The following ZSCAN31 variants were observed in gnomAD, a reference collection of about 807,000 sequenced individuals.
The protein encoded by ZSCAN31 is zinc finger and SCAN domain containing 31, also known as zinc finger and SCAN domain-containing protein 31.
ZSCAN31 carries 14 observed loss-of-function variants against 22.5 expected under a neutral mutation model. The ratio of observed to expected loss-of-function variants is 0.62; its 90% CI spans 0.41 to 0.97. The LOEUF is 0.97. ZSCAN31 is among the 50% of genes least tolerant of loss of function. The pLI is 0.00. For missense variants in ZSCAN31, 424 were observed against 483.4 expected (o/e 0.88, Z 1.15); for synonymous variants, 168 against 169.8 (o/e 0.99, Z 0.08).
rs1337628946 is a variant in ZSCAN31 at position 28,326,156 on chromosome 6, C to T, written c.*10G>A. ...AATGATGACTGAAGGCTTTCCCAAA[C>T]TCATCACCCTTATGGTCTCTCTCCA... is the stretch of plus-strand genomic sequence containing the variant. On this transcript the variant is annotated 3_prime_UTR_variant, in exon 4 of 4. Coordinates refer to ENST00000344279, the MANE Select transcript of ZSCAN31 (RefSeq NM_030899.5). 6.3e-7 allele frequency: 1 copy of T among 1,589,972 alleles called. No homozygotes were observed. Among genetic ancestry groups the T allele is most frequent in the Non-Finnish European group, 8.6e-7 (1 of 1,165,752 alleles).
chr6:28,327,256 C>T (rs1581660774), intron 3 of ZSCAN31, 127 bp downstream of exon 3: 4 of 1,145,414 alleles, frequency 3.5e-6, no homozygotes, highest in Admixed American at 4.4e-5. Flanking sequence ...TGTCCATTGT[C>T]ACAGAACTAT....
chr6:28,333,855 A>G lies in ZSCAN31; in HGVS notation c.-96+2227T>C, dbSNP rs970692462. Among the ~76,000 whole-genome samples the G allele has an allele frequency of 1.3e-5, 2 of 152,204 alleles. No homozygotes were observed. Among genetic ancestry groups the G allele is most frequent in the Non-Finnish European group, 2.9e-5 (2 of 68,026 alleles). ...AACCACTGAAGGCTTTAAGAAAGGGAGTGACAAGGCTGAATTCTGTACCGA... is the reference window on the plus strand; with the variant it reads ...AACCACTGAAGGCTTTAAGAAAGGGGGTGACAAGGCTGAATTCTGTACCGA... On this transcript the variant is annotated intron_variant, in intron 1 of 3. Transcript: ENST00000344279. This position sits in a 1 kb window ranked among gnomAD's most constrained non-coding sequence, Gnocchi z 4.1.
intron 1 of ZSCAN31, among the ~76,000 whole-genome samples, chr6:28,330,789 GA>G (rs1229125664): frequency 6.6e-6 from 1 of 152,160 alleles, no homozygotes; most frequent in African/African-American, 2.4e-5. Flanking sequence ...GGCCTCACCA[GA>G]ATATTCAGGG....
chr6:28,346,342 CTTTTTT>C (rs5875155), intron 2 of ZSCAN31, among the ~76,000 whole-genome samples: 17 of 87,766 alleles, frequency 1.9e-4, no homozygotes, highest in South Asian at 1.5e-3. Context: ...TCAGTACAAT[CTTTTTT>C]TTTTTTTTTT....
At chr6:28,350,542 T>C (rs1764928297) in intron 2 of ZSCAN31, among the ~76,000 whole-genome samples, 1 of 152,206 alleles carries the variant, frequency 6.6e-6, no homozygotes, top group African/African-American at 2.4e-5. Context: ...TTTTACTATT[T>C]TGTAAAATGG....
At position 28,327,083 on chromosome 6, in the gene ZSCAN31, T is replaced by C. The variant is rs573192864; in HGVS notation, c.533-229A>G. On this transcript the variant is annotated intron_variant, in intron 3 of 3. Coordinates refer to ENST00000344279, the MANE Select transcript of ZSCAN31 (RefSeq NM_030899.5). ...CACCCAGAGGCTCCCAGTGAGGATG[T>C]ACATAAGCAGGCACTATATTATATT... is the stretch of plus-strand genomic sequence containing the variant. 2.6e-5 allele frequency among the ~76,000 whole-genome samples: 4 copies of C among 152,296 alleles called. No individual in the cohort carries two copies. The South Asian group carries it at 8.3e-4, about 32-fold the overall frequency.
chr6:28,326,957 G>T (rs1763332131), intron 3 of ZSCAN31, 103 bp from the exon 4 acceptor site: 1 of 1,148,490 alleles, frequency 8.7e-7, no homozygotes, highest in Non-Finnish European at 1.2e-6. Flanking sequence ...ACATGTTCTA[G>T]GAATGAAGAA....
upstream of ZSCAN31, among the ~76,000 whole-genome samples, chr6:28,337,587 T>C (rs1242242687): frequency 6.6e-6 from 1 of 152,188 alleles, no homozygotes; most frequent in African/African-American, 2.4e-5. Context: ...TCCCATTGAA[T>C]GCGATCTTTG....
At chr6:28,332,474 T>A (rs1353619299) in intron 1 of ZSCAN31, 1 of 152,234 alleles carries the variant, frequency 6.6e-6, no homozygotes, top group African/African-American at 2.4e-5. Context: ...TCAAATCCTG[T>A]GGCCTCTCTA....
In ZSCAN31 at chr6:28,326,382, G is replaced by A. The variant is rs1763263543; in HGVS notation, c.1005C>T (p.Ser335=). 6.2e-7 allele frequency: 1 copy of A among 1,614,048 alleles called. No homozygotes were observed. Among genetic ancestry groups the A allele is most frequent in the African/African-American group, 1.3e-5 (1 of 74,910 alleles). ...CKVCGKAFLL[S]SCLVQHQRIH... The stretch of plus-strand genomic sequence containing the variant: ...TCCTCTGATGCTGAACAAGGCATGA[G>A]CTGAGGAGGAAAGCCTTCCCACACA... The change falls in exon 4 of 4, where the codon AGC becomes AGT. Residue 335 remains serine (S), a synonymous_variant. Coordinates refer to ENST00000344279, the MANE Select transcript of ZSCAN31 (RefSeq NM_030899.5).
chr6:28,326,040 CA>C lies in ZSCAN31; in HGVS notation c.*125del, dbSNP rs932266889. 1.1e-6 allele frequency: 1 copy of C among 885,014 alleles called. No homozygotes were observed. The highest frequency in any genetic ancestry group is 1.7e-6 in the Non-Finnish European group (1 of 576,022). 54.8% of individuals were successfully genotyped at this position (885,014 alleles called of 1,614,324 possible). A position where few individuals can be genotyped will look rare whatever the true frequency, so the allele number is the denominator to read the frequency against. ...TAAGCCACTTGAAAATCTTACTTTCCAAGACGGCCCCATTTAGGGGTCTGAG... is the reference window on the plus strand; with the variant it reads ...TAAGCCACTTGAAAATCTTACTTTCCAGACGGCCCCATTTAGGGGTCTGAG... On this transcript the variant is annotated 3_prime_UTR_variant, in exon 4 of 4. Coordinates refer to ENST00000344279, the MANE Select transcript of ZSCAN31 (RefSeq NM_030899.5).
rs772198639 is a variant in ZSCAN31, at chr6:28,326,094, G to A, written c.*72C>T. On this transcript the variant is annotated 3_prime_UTR_variant, in exon 4 of 4. Coordinates refer to ENST00000344279, the MANE Select transcript of ZSCAN31 (RefSeq NM_030899.5). Reference sequence around the variant, plus strand: ...TCCACAGAATTAGTCCAGTTCTGCTGGAACAGTATGGATTCTAAAATGCCT... The same window carrying A: ...TCCACAGAATTAGTCCAGTTCTGCTAGAACAGTATGGATTCTAAAATGCCT... The A allele has an allele frequency of 1.0e-4, 144 of 1,395,170 alleles. No individual in the cohort carries two copies. The highest frequency in any genetic ancestry group is 1.3e-4 in the Non-Finnish European group (138 of 1,025,574). The allele number at this position is 1,395,170 out of a possible 1,614,324, so 86.4% of individuals were successfully genotyped here.
Position 28,347,348 on chromosome 6 carries a change from A to C in ZSCAN31, c.-370-5556T>G, listed in dbSNP as rs2113865561. 6.6e-6 allele frequency among the ~76,000 whole-genome samples: 1 copy of C among 152,258 alleles called. No individual in the cohort carries two copies. The highest frequency in any genetic ancestry group is 1.9e-4 in the East Asian group (1 of 5,192). The stretch of plus-strand genomic sequence containing the variant: ...CGGGAACACTTCCTTAGATATGCAC[A>C]GGGCTAACCCCTTCATCTCCTTCAG... On this transcript the variant is annotated intron_variant, in intron 2 of 7. Transcript: ENST00000396838. This position sits in a 1 kb window ranked among gnomAD's most constrained non-coding sequence, Gnocchi z 5.2.
chr6:28,328,276 G>A (rs11969150), intron 2 of ZSCAN31, among the ~76,000 whole-genome samples: 5,699 of 152,174 alleles, frequency 0.037, 261 homozygotes, highest in African/African-American at 0.11. Flanking sequence ...TTTATTAGGC[G>A]GGAATTTCCT....
In ZSCAN31 at chr6:28,351,103, T is replaced by C. The variant is rs1028425244; in HGVS notation, c.-371+2759A>G. 3.3e-5 allele frequency among the ~76,000 whole-genome samples: 5 copies of C among 152,186 alleles called. No individual in the cohort carries two copies. The highest frequency in any genetic ancestry group is 1.2e-4 in the African/African-American group (5 of 41,444). Reference sequence around the variant, plus strand: ...GTTAGCTCTTTCATAGACTTGTAACTCTTTTCTGTTAATGAGAAACTTTCC... The same window carrying C: ...GTTAGCTCTTTCATAGACTTGTAACCCTTTTCTGTTAATGAGAAACTTTCC... On this transcript the variant is annotated intron_variant, in intron 2 of 7. Coordinates refer to the ZSCAN31 transcript ENST00000396838. The surrounding 1 kb of genome is among the most constrained non-coding windows in gnomAD (Gnocchi z 4.6).
At chr6:28,339,294 AT>A (rs1256524162), upstream of ZSCAN31, among the ~76,000 whole-genome samples, 5 of 151,820 alleles carry the variant, frequency 3.3e-5, no homozygotes, top group East Asian at 1.9e-4. Flanking sequence ...CATTCCATTA[AT>A]TTTTTTTGGC....
At chr6:28,342,717 A>G (rs536669400) in intron 2 of ZSCAN31, among the ~76,000 whole-genome samples, 5 of 152,312 alleles carry the variant, frequency 3.3e-5, no homozygotes, top group African/African-American at 1.2e-4. Context: ...CTATTGTTTG[A>G]TCCACAGTAC....
chr6:28,339,756 T>G (rs1365624451), upstream of ZSCAN31, among the ~76,000 whole-genome samples: 1 of 152,244 alleles, frequency 6.6e-6, no homozygotes, highest in African/African-American at 2.4e-5. Context: ...TTCTCTATTG[T>G]TATTTCAGTG....
At chr6:28,328,876 C>G (rs564352948) in intron 2 of ZSCAN31, among the ~76,000 whole-genome samples, 1 of 152,312 alleles carries the variant, frequency 6.6e-6, no homozygotes, top group African/African-American at 2.4e-5. Context: ...CATTCTTCTG[C>G]TATGGCTTCA....
Sources: allele counts gnomAD v4.1 joint callset (sites outside exome capture counted in the v4.1 genomes callset), GRCh38; gene constraint gnomAD v4.1.1; non-coding constraint Gnocchi (gnomAD v3.1); transcripts MANE v1.5; gene names NCBI Gene and HGNC (gene_info 2026-07-23, HGNC 2026-07-21).